PRORP: variants seen among roughly 807,000 people sequenced by gnomAD.
PRORP encodes mitochondrial ribonuclease P catalytic subunit.
PRORP carries 51 observed loss-of-function variants against 59.4 expected under a neutral mutation model. The ratio of observed to expected loss-of-function variants is 0.86; its 90% CI spans 0.69 to 1.08. The LOEUF (loss-of-function observed/expected upper bound fraction) is 1.08. Among genes scored for constraint, PRORP ranks in the 50% least tolerant of loss-of-function variants. PRORP has a pLI of 0.00. For missense variants in PRORP, 646 were observed against 690.3 expected, an observed-to-expected ratio of 0.94 and a Z score of 0.72; for synonymous variants, 231 against 245.6, an observed-to-expected ratio of 0.94 and a Z score of 0.55.
At chr14:35,255,286 C>T (rs944865996) in intron 5 of PRORP, among the ~76,000 whole-genome samples, 4 of 152,058 alleles carry the variant, frequency 2.6e-5, no homozygotes, top group Non-Finnish European at 5.9e-5. Context: ...TGCCACCACG[C>T]CTGGCTAATT....
chr14:35,269,084 G>C (rs1472289680), intron 6 of PRORP, among the ~76,000 whole-genome samples: 1 of 152,120 alleles, frequency 6.6e-6, no homozygotes, highest in Non-Finnish European at 1.5e-5. Context: ...TTGGGAATTA[G>C]TTTACCCAGG....
chr14:35,246,938 G>A lies in PRORP; in HGVS notation c.1276-19789G>A, dbSNP rs528452423. The stretch of plus-strand genomic sequence containing the variant: ...AATTCCCTAATCCCGTCCCGATTGC[G>A]TAGTAATAGCTAACATTTATTGAGT... On this transcript the variant is annotated intron_variant, in intron 5 of 7. Coordinates refer to ENST00000534898, the MANE Select transcript of PRORP (RefSeq NM_014672.4). Among the ~76,000 whole-genome samples, 17 of 152,228 alleles carry A rather than the reference G, an allele frequency of 1.1e-4. No homozygotes were observed. The South Asian group carries it at 1.2e-3, about 11-fold the overall frequency.
intron 5 of PRORP, among the ~76,000 whole-genome samples, chr14:35,182,109 C>CA (rs2048626920): frequency 6.7e-6 from 1 of 148,294 alleles, no homozygotes; most frequent in East Asian, 2.1e-4. Context: ...ACTAAAAATA[C>CA]AAAAAAATTA....
At chr14:35,164,856 G>C (rs998474701) in intron 4 of PRORP, among the ~76,000 whole-genome samples, 1 of 152,168 alleles carries the variant, frequency 6.6e-6, no homozygotes, top group African/African-American at 2.4e-5. Context: ...GGAGGGAGTA[G>C]GGGAGTGGGA....
rs370586402 is a variant in PRORP, at chr14:35,270,364, C to G, written c.1425-37C>G. The G allele has an allele frequency of 1.3e-4, 211 of 1,588,348 alleles. No individual in the cohort carries two copies. In the Middle Eastern group the frequency reaches 1.9e-3, roughly 14 times the overall value. On this transcript the variant is annotated intron_variant, in intron 6 of 7. Transcript: ENST00000534898. ...AAAACACTGTCCTCTGCCTCTTCAG[C>G]TGTGCTTGATTGTGTCCTTTCTTAT...
rs1387870658 is a variant in PRORP, at chr14:35,274,191, G to C, written c.*625G>C. ...AGAGTCTCAACTTACTCTGTCGCCA[G>C]GGCTGGAGTGCAGTGACGTGATCAC... On this transcript the variant is annotated 3_prime_UTR_variant, in exon 8 of 8. Coordinates refer to ENST00000534898, the MANE Select transcript of PRORP (RefSeq NM_014672.4). 6.6e-6 allele frequency: 1 copy of C among 152,038 alleles called. No homozygotes were observed. Among genetic ancestry groups the C allele is most frequent in the African/African-American group, 2.4e-5 (1 of 41,372 alleles). The allele number at this position is 152,038 out of a possible 1,614,324, so 9.4% of individuals were successfully genotyped here. A position where few individuals can be genotyped will look rare whatever the true frequency, so the allele number is the denominator to read the frequency against.
chr14:35,249,076 T>C, intron 5 of PRORP, among the ~76,000 whole-genome samples: 1 of 152,198 alleles, frequency 6.6e-6, no homozygotes, highest in Non-Finnish European at 1.5e-5. Context: ...GGTCTTGCGT[T>C]CTCTCAGTCT....
chr14:35,155,480 G>A (rs541174395), intron 4 of PRORP, among the ~76,000 whole-genome samples: 35 of 150,486 alleles, frequency 2.3e-4, no homozygotes, highest in African/African-American at 7.8e-4. Flanking sequence ...CCAGCACTTC[G>A]GGAAGCTGAG....
At chr14:35,208,222 G>A (rs2049345505) in intron 5 of PRORP, among the ~76,000 whole-genome samples, 1 of 151,890 alleles carries the variant, frequency 6.6e-6, no homozygotes, top group African/African-American at 2.4e-5. Flanking sequence ...CTGTCAGCCT[G>A]TGCAAAGTGG....
chr14:35,272,044 CA>C (rs1452247051), intron 7 of PRORP, among the ~76,000 whole-genome samples: 1 of 143,890 alleles, frequency 6.9e-6, no homozygotes, highest in East Asian at 2.0e-4. Flanking sequence ...CAAAAAAAAA[CA>C]ACAAAAAAAA....
intron 4 of PRORP, among the ~76,000 whole-genome samples, chr14:35,176,624 G>A (rs1222469821): frequency 6.6e-6 from 1 of 152,162 alleles, no homozygotes; most frequent in Non-Finnish European, 1.5e-5. Context: ...CTGCTTATCA[G>A]CTTAAGGAGA....
At chr14:35,202,162 G>C (rs1038818915) in intron 5 of PRORP, among the ~76,000 whole-genome samples, 1 of 151,588 alleles carries the variant, frequency 6.6e-6, no homozygotes, top group African/African-American at 2.4e-5. Context: ...GTAGAGACGG[G>C]GTTTCACCAT....
At chr14:35,263,051 C>A (rs568872863) in intron 5 of PRORP, 9 of 1,523,562 alleles carry the variant, frequency 5.9e-6, no homozygotes, top group Middle Eastern at 2.4e-4. Flanking sequence ...TAAGAGTTGT[C>A]CAGCTTCTGA....
In PRORP at chr14:35,122,616, A is replaced by G. The variant is rs574824815; in HGVS notation, c.-314A>G. 1.3e-5 allele frequency: 2 copies of G among 154,172 alleles called. No individual in the cohort carries two copies. Among genetic ancestry groups the G allele is most frequent in the East Asian group, 3.9e-4 (2 of 5,188 alleles). The allele number at this position is 154,172 out of a possible 1,614,324, so 9.6% of individuals were successfully genotyped here. ...CGCTTTGAGTTGTTGAATGAAGTGAACTTCATTTGTCAGCGTTCGGTACGC... is the reference window on the plus strand; with the variant it reads ...CGCTTTGAGTTGTTGAATGAAGTGAGCTTCATTTGTCAGCGTTCGGTACGC... On this transcript the variant is annotated 5_prime_UTR_variant, in exon 1 of 8. Transcript: ENST00000534898.
At chr14:35,130,544 C>T (rs758884347) in intron 4 of PRORP, among the ~76,000 whole-genome samples, 20 of 151,174 alleles carry the variant, frequency 1.3e-4, no homozygotes, top group Non-Finnish European at 2.4e-4. Context: ...TGGAGTGGCA[C>T]GATCTCAGCT....
chr14:35,158,215 G>A, intron 4 of PRORP: 1 of 261,532 alleles, frequency 3.8e-6, no homozygotes, highest in South Asian at 1.4e-4. Flanking sequence ...CTCTTAGTAA[G>A]CCCTTATTTG....
chr14:35,254,214 G>A (rs1392384138), intron 5 of PRORP, among the ~76,000 whole-genome samples: 1 of 151,874 alleles, frequency 6.6e-6, no homozygotes, highest in Non-Finnish European at 1.5e-5. Context: ...AACTCACAAA[G>A]AGCTCTGTTC....
chr14:35,142,130 C>T lies in PRORP; in HGVS notation c.1167+14519C>T, dbSNP rs760506798. ...CTGACCTCAGCTGATCCATCCGCCT[C>T]GGCCTCCTAAAGTGCTGGGATTACA... On this transcript the variant is annotated intron_variant, in intron 4 of 7. Coordinates refer to ENST00000534898, the MANE Select transcript of PRORP (RefSeq NM_014672.4). 1.4e-5 allele frequency among the ~76,000 whole-genome samples: 2 copies of T among 144,202 alleles called. 1 individual carries two copies. Among genetic ancestry groups the T allele is most frequent in the East Asian group, 4.7e-4 (2 of 4,222 alleles). The allele number at this position is 144,202 out of a possible 152,430, so 94.6% of individuals were successfully genotyped here. A position where few individuals can be genotyped will look rare whatever the true frequency, so the allele number is the denominator to read the frequency against.
rs114002259 is a variant in PRORP at position 35,155,837 on chromosome 14, G to A, written c.1168-24833G>A. ...TTAAAGCAAATTATACTTTTTAAAT[G>A]CTGAAAATTGTCATGTCATTTGCAC... On this transcript the variant is annotated intron_variant, in intron 4 of 7. Transcript: ENST00000534898. 2.6e-3 allele frequency among the ~76,000 whole-genome samples: 389 copies of A among 149,320 alleles called. 2 individuals carry two copies. Among genetic ancestry groups the A allele is most frequent in the African/African-American group, 9.1e-3 (366 of 40,268 alleles).
Sources: allele counts gnomAD v4.1 joint callset (sites outside exome capture counted in the v4.1 genomes callset), GRCh38; gene constraint gnomAD v4.1.1; transcripts MANE v1.5; gene names NCBI Gene and HGNC (gene_info 2026-07-23, HGNC 2026-07-21).